The following HSPG2 variants were observed in gnomAD, a reference collection of about 807,000 sequenced individuals.
HSPG2 encodes the protein heparan sulfate proteoglycan 2.
A neutral mutation model predicts 526.6 loss-of-function variants in HSPG2; 278 were observed. The observed-to-expected ratio is 0.53, with a 90% confidence interval of 0.48 to 0.58. The LOEUF is 0.58. Ranked by LOEUF, HSPG2 falls within the 20% of genes least tolerant of loss-of-function variation. HSPG2 has a pLI of 0.00. For synonymous variants in HSPG2, 2,465 were observed against 2,555.4 expected (o/e 0.96, Z 1.07); for missense variants, 5,354 against 6,099.5 (o/e 0.88, Z 4.07).
At position 21,857,180 on chromosome 1, in the gene HSPG2, G is replaced by C; in HGVS notation, c.5410C>G (p.Leu1804Val). The C allele has an allele frequency of 6.2e-7, 1 of 1,614,128 alleles. No homozygotes were observed. Among genetic ancestry groups the C allele is most frequent in the Non-Finnish European group, 8.5e-7 (1 of 1,180,028 alleles). ...TAKSKSPAYTLVWTRLHNGKL... is the reference protein window; with the variant it reads ...TAKSKSPAYTVVWTRLHNGKL... ...CCGTTGTGCAGGCGGGTCCACACCA[G>C]GGTATAGGCTGGGGACTGCAGGGCA... The change falls in exon 44 of 97, where the codon CTG becomes GTG. Residue 1804 changes from leucine (L) to valine (V), a missense_variant. Coordinates refer to ENST00000374695, the MANE Select transcript of HSPG2 (RefSeq NM_005529.7).
At position 21,917,494 on chromosome 1, in the gene HSPG2, A is replaced by G. The variant is rs79121843; in HGVS notation, c.63+19661T>C. Among the ~76,000 whole-genome samples the G allele has an allele frequency of 4.0e-3, 615 of 152,022 alleles. 1 individual carries two copies. Among genetic ancestry groups the G allele is most frequent in the Admixed American group, 7.9e-3 (120 of 15,266 alleles). On this transcript the variant is annotated intron_variant, in intron 1 of 96. Transcript: ENST00000374695. ...ATAAATAAATAAATAAAAATAAAAG[A>G]CAGGGCAGAATGGGGATGGAACAGT...
chr1:21,921,976 G>A (rs1052268793), intron 1 of HSPG2, among the ~76,000 whole-genome samples: 16 of 152,186 alleles, frequency 1.1e-4, no homozygotes, highest in Admixed American at 5.9e-4. Flanking sequence ...TGGGACTTAG[G>A]GCCTTCCCAT....
chr1:21,828,076 G>A lies in HSPG2; in HGVS notation c.12486C>T (p.Thr4162=). The A allele has an allele frequency of 1.9e-6, 3 of 1,613,394 alleles. No homozygotes were observed. Among genetic ancestry groups the A allele is most frequent in the Non-Finnish European group, 2.5e-6 (3 of 1,179,956 alleles). Residue 4162 remains threonine (T), a synonymous_variant, in exon 90 of 97, where the codon ACC becomes ACT. Transcript: ENST00000374695. The surrounding 1 kb of genome is among the most constrained non-coding windows in gnomAD (Gnocchi z 6.0). ...AGAAGCCAGGGAGGCAGAGGCAGCG[G>A]GTGCCCTGGCAGGTGCCCCCATGCA... The part of the protein sequence containing the change: ...PCLHGGTCQG[T]RCLCLPGFSG...
chr1:21,845,986 T>C, intron 64 of HSPG2, 122 bp downstream of exon 64: 1 of 1,244,696 alleles, frequency 8.0e-7, no homozygotes, highest in East Asian at 2.3e-5. Context: ...AGGTGAAGTC[T>C]GGAATCAGAG....
chr1:21,839,282 TG>T lies in HSPG2; in HGVS notation c.9889+88del. 6.6e-7 allele frequency: 1 copy of T among 1,511,396 alleles called. No homozygotes were observed. The highest frequency in any genetic ancestry group is 9.1e-7 in the Non-Finnish European group (1 of 1,099,888). 93.6% of individuals were successfully genotyped at this position (1,511,396 alleles called of 1,614,324 possible). A position where few individuals can be genotyped will look rare whatever the true frequency, so the allele number is the denominator to read the frequency against. ...CCTGCAGCGCCTGGAGACCTCTGGATGGGGTTCCTGGGGTTCTGTGTGGGGT... is the reference window on the plus strand; with the variant it reads ...CCTGCAGCGCCTGGAGACCTCTGGATGGGTTCCTGGGGTTCTGTGTGGGGT... On this transcript the variant is annotated intron_variant, in intron 73 of 96. Coordinates refer to ENST00000374695, the MANE Select transcript of HSPG2 (RefSeq NM_005529.7). This position sits in a 1 kb window ranked among gnomAD's most constrained non-coding sequence, Gnocchi z 4.5.
chr1:21,875,121 G>A (rs1004206081), intron 25 of HSPG2, 119 bp from the exon 26 acceptor site: 16 of 778,410 alleles, frequency 2.1e-5, no homozygotes, highest in Non-Finnish European at 3.3e-5. Context: ...GTGCTGCTGG[G>A]GCCCTGTCCA....
chr1:21,873,460 G>C, intron 29 of HSPG2, 36 bp from the exon 30 acceptor site: 1 of 1,608,376 alleles, frequency 6.2e-7, no homozygotes, highest in Non-Finnish European at 8.5e-7. Context: ...AATTTTGGAT[G>C]AAGGGAAGCA....
Position 21,864,100 on chromosome 1 carries a change from C to T in HSPG2, c.4740G>A (p.Ser1580=). Residue 1580 remains serine (S), a splice_region_variant and synonymous_variant, in exon 37 of 97, where the codon TCG becomes TCA. Transcript: ENST00000374695. This position sits in a 1 kb window ranked among gnomAD's most constrained non-coding sequence, Gnocchi z 4.8. Reference sequence around the variant, plus strand: ...TGTCCTGGCCTCGCTTGCAGCTCACCGAGCAGGCCCCAGTCTCTGGGTGGC... The same window carrying T: ...TGTCCTGGCCTCGCTTGCAGCTCACTGAGCAGGCCCCAGTCTCTGGGTGGC... ...DLCHPETGAC[S]QCQHNAAGEF... The T allele has an allele frequency of 2.6e-6, 4 of 1,551,474 alleles. No homozygotes were observed. The highest frequency in any genetic ancestry group is 3.5e-6 in the Non-Finnish European group (4 of 1,147,288).
rs1029478560 is a variant in HSPG2 at position 21,858,571 on chromosome 1, A to G, written c.5293+995T>C. Among the ~76,000 whole-genome samples the G allele has an allele frequency of 9.2e-5, 14 of 152,178 alleles. No individual in the cohort carries two copies. Among genetic ancestry groups the G allele is most frequent in the African/African-American group, 3.4e-4 (14 of 41,446 alleles). ...ATGCCTGCCTGGTGGACTCAATGAGATATCTTCCCAAACATCTCAGACTCT... is the reference window on the plus strand; with the variant it reads ...ATGCCTGCCTGGTGGACTCAATGAGGTATCTTCCCAAACATCTCAGACTCT... On this transcript the variant is annotated intron_variant, in intron 42 of 96. Transcript: ENST00000374695. The surrounding 1 kb of genome is among the most constrained non-coding windows in gnomAD (Gnocchi z 4.2).
At chr1:21,878,828 T>C (rs1198515237) in intron 18 of HSPG2, among the ~76,000 whole-genome samples, 165 bp from the exon 19 acceptor site, 1 of 152,146 alleles carries the variant, frequency 6.6e-6, no homozygotes, top group Non-Finnish European at 1.5e-5. Context: ...AGGGGGCCCA[T>C]TATACAGAAA....
chr1:21,908,601 A>AG, intron 1 of HSPG2: 1 of 667,472 alleles, frequency 1.5e-6, no homozygotes, highest in Non-Finnish European at 2.7e-6. Context: ...AAAAAAAAAA[A>AG]AGACCTCTGG....
rs755827201 is a variant in HSPG2, at chr1:21,832,488, G to C, written c.11207+7C>G. The C allele has an allele frequency of 1.9e-6, 3 of 1,611,084 alleles. No homozygotes were observed. The highest frequency in any genetic ancestry group is 2.5e-6 in the Non-Finnish European group (3 of 1,177,300). On this transcript the variant is annotated splice_region_variant and intron_variant, in intron 81 of 96. Transcript: ENST00000374695. The stretch of plus-strand genomic sequence containing the variant: ...CCCCCTGTAGGTGGGGAGGCTGGGG[G>C]TCTCACCGGAACTCGGGCCTTCCCC...
intron 1 of HSPG2, among the ~76,000 whole-genome samples, chr1:21,900,124 C>G (rs1405652627): frequency 6.6e-6 from 1 of 152,210 alleles, no homozygotes; most frequent in African/African-American, 2.4e-5. Context: ...CCCAGAGGAA[C>G]CCAGCACTTC....
At position 21,824,768 on chromosome 1, in the gene HSPG2, G is replaced by T; in HGVS notation, c.12601C>A (p.Gln4201Lys). 1 of 1,612,672 alleles carries T rather than the reference G, an allele frequency of 6.2e-7. No homozygotes were observed. The highest frequency in any genetic ancestry group is 8.5e-7 in the Non-Finnish European group (1 of 1,179,488). Residue 4201 changes from glutamine to lysine, a missense_variant, in exon 92 of 97, where the codon CAG becomes AAG. Gln to Lys is a moderately conservative substitution (Grantham distance 53). Transcript: ENST00000374695. The surrounding 1 kb of genome is among the most constrained non-coding windows in gnomAD (Gnocchi z 5.9). ...EGSGGNDAPGQYGAYFHDDGF... is the reference protein window; with the variant it reads ...EGSGGNDAPGKYGAYFHDDGF... The stretch of plus-strand genomic sequence containing the variant: ...TCATCGTGGAAATAGGCTCCGTACT[G>T]CCCAGGGGCATCTGTGGGAGAGAGG...
chr1:21,880,768 G>A lies in HSPG2; in HGVS notation c.1886C>T (p.Pro629Leu), dbSNP rs1440062826. 6.2e-7 allele frequency: 1 copy of A among 1,600,104 alleles called. No individual in the cohort carries two copies. The change falls in exon 15 of 97, where the codon CCA becomes CTA. Residue 629 changes from proline to leucine, a missense_variant. Physicochemically the swap from Pro to Leu is moderately conservative, Grantham distance 98. Coordinates refer to ENST00000374695, the MANE Select transcript of HSPG2 (RefSeq NM_005529.7). ...RYELARGMLEPVQRPDVVLMG... is the reference protein window; with the variant it reads ...RYELARGMLELVQRPDVVLMG... The stretch of plus-strand genomic sequence containing the variant: ...GAGGACCACGTCCGGCCGCTGCACT[G>A]GCTCCAGCATGCCACGGGCCAACTC...
rs763384403 is a variant in HSPG2, at chr1:21,890,418, C to T, written c.413+9G>A. The T allele has an allele frequency of 1.2e-6, 2 of 1,613,622 alleles. No individual in the cohort carries two copies. The highest frequency in any genetic ancestry group is 1.7e-6 in the Non-Finnish European group (2 of 1,179,632). On this transcript the variant is annotated intron_variant, in intron 5 of 96. Transcript: ENST00000374695. The surrounding 1 kb of genome is among the most constrained non-coding windows in gnomAD (Gnocchi z 4.1). ...GTCCCCCAGCAGCCCCCAGGGAGCC[C>T]CTTCTCACTTGATGAACACCACACT...
chr1:21,859,477 A>G lies in HSPG2; in HGVS notation c.5293+89T>C. On this transcript the variant is annotated intron_variant, in intron 42 of 96. Coordinates refer to ENST00000374695, the MANE Select transcript of HSPG2 (RefSeq NM_005529.7). The surrounding 1 kb of genome is among the most constrained non-coding windows in gnomAD (Gnocchi z 5.3). Reference sequence around the variant, plus strand: ...GTTCGGGCAACCACTGCCCCCTCCCAGCAGGTGAATGCACCATCTGCCTGA... The same window carrying G: ...GTTCGGGCAACCACTGCCCCCTCCCGGCAGGTGAATGCACCATCTGCCTGA... 1.0e-6 allele frequency: 1 copy of G among 1,002,772 alleles called. No homozygotes were observed. The highest frequency in any genetic ancestry group is 1.5e-6 in the Non-Finnish European group (1 of 648,874). 62.1% of individuals were successfully genotyped at this position (1,002,772 alleles called of 1,614,324 possible).
intron 42 of HSPG2, 119 bp from the exon 43 acceptor site, chr1:21,857,504 A>G (rs931393788): frequency 1.9e-5 from 17 of 914,430 alleles, no homozygotes; most frequent in Non-Finnish European, 2.9e-5. Flanking sequence ...CCTAGCTCTC[A>G]TTCTACCCCC....
In HSPG2 at chr1:21,829,576, C is replaced by T. The variant is rs750931101; in HGVS notation, c.11799G>A (p.Ser3933=). ...EGVTVTTPSL[S]GAGSYLALPA... ...GCAGTGCCAGGTAGGAGCCAGCACC[C>T]GACAGCGAGGGGGTGGTCACTGTCA... Residue 3933 remains serine (S), a synonymous_variant, in exon 87 of 97, where the codon TCG becomes TCA. Transcript: ENST00000374695. 5.6e-6 allele frequency: 9 copies of T among 1,608,314 alleles called. No homozygotes were observed. Among genetic ancestry groups the T allele is most frequent in the South Asian group, 5.5e-5 (5 of 90,912 alleles).
Sources: allele counts gnomAD v4.1 joint callset (sites outside exome capture counted in the v4.1 genomes callset), GRCh38; gene constraint gnomAD v4.1.1; non-coding constraint Gnocchi (gnomAD v3.1); transcripts MANE v1.5; gene names NCBI Gene and HGNC (gene_info 2026-07-23, HGNC 2026-07-21).